The following RALGAPB variants were observed in gnomAD, a reference collection of about 807,000 sequenced individuals.
The protein encoded by RALGAPB is Ral GTPase activating protein non-catalytic subunit beta, also known as ral GTPase-activating protein subunit beta.
In RALGAPB, 25 loss-of-function variants were observed where a neutral mutation model predicts 161.1. That is an observed-to-expected ratio of 0.16 (90% CI 0.11 to 0.22). The LOEUF is 0.22. RALGAPB is among the 10% of genes least tolerant of loss of function. The pLI is 1.00. For missense variants in RALGAPB, 1,391 were observed against 1,815.2 expected, an observed-to-expected ratio of 0.77 and a Z score of 4.25; for synonymous variants, 629 against 626.1, an observed-to-expected ratio of 1.00 and a Z score of -0.07.
At chr20:38,522,512 C>T (rs1686657641) in intron 10 of RALGAPB, among the ~76,000 whole-genome samples, 1 of 152,158 alleles carries the variant, frequency 6.6e-6, no homozygotes. Context: ...CCTAAATTAA[C>T]TCATAATGGC....
chr20:38,497,305 G>C, intron 3 of RALGAPB, 48 bp from the exon 4 acceptor site: 1 of 1,567,244 alleles, frequency 6.4e-7, no homozygotes, highest in East Asian at 2.2e-5. Flanking sequence ...TGAAGCTGTT[G>C]CTGTCTCTCC....
At chr20:38,546,774 G>T in intron 19 of RALGAPB, 1 of 239,950 alleles carries the variant, frequency 4.2e-6, no homozygotes, top group Non-Finnish European at 8.2e-6. Flanking sequence ...CACTCCTCAT[G>T]TTCTGTATCA....
intron 1 of RALGAPB, among the ~76,000 whole-genome samples, chr20:38,485,912 G>A (rs1400473430): frequency 7.2e-6 from 1 of 138,024 alleles, no homozygotes; most frequent in Non-Finnish European, 1.6e-5. Context: ...TCTTTTTTCT[G>A]TTACATATAT....
chr20:38,506,528 G>A (rs556056772), intron 5 of RALGAPB, among the ~76,000 whole-genome samples: 4 of 152,212 alleles, frequency 2.6e-5, no homozygotes, highest in East Asian at 1.9e-4. Flanking sequence ...TCCTGGGCTC[G>A]AGCAGTCCTC....
chr20:38,515,604 T>C (rs2086101020), intron 6 of RALGAPB, among the ~76,000 whole-genome samples: 1 of 152,226 alleles, frequency 6.6e-6, no homozygotes, highest in Admixed American at 6.5e-5. Flanking sequence ...CTATTAACAC[T>C]AATCCTGATT....
chr20:38,534,325 A>T (rs1157125640), intron 15 of RALGAPB: 1 of 152,624 alleles, frequency 6.6e-6, no homozygotes, highest in African/African-American at 2.4e-5. Context: ...TTAGTGTCGC[A>T]TGAGTGTCTC....
chr20:38,524,536 A>G (rs939251937), intron 10 of RALGAPB, among the ~76,000 whole-genome samples: 3 of 152,094 alleles, frequency 2.0e-5, no homozygotes, highest in African/African-American at 7.2e-5. Flanking sequence ...GTCTTAGTGT[A>G]TATGATTCAG....
Position 38,517,799 on chromosome 20 carries a change from G to C in RALGAPB, c.1216G>C (p.Ala406Pro). The change falls in exon 9 of 30, where the codon GCC becomes CCC. Residue 406 changes from alanine (A) to proline (P), a missense_variant. Physicochemically the swap from Ala to Pro is conservative, Grantham distance 27. Around this residue, in one of 3 missense-constraint regions of RALGAPB, gnomAD observed 946 missense variants for 1,257.2 expected, o/e 0.75. Coordinates refer to ENST00000262879, the MANE Select transcript of RALGAPB (RefSeq NM_020336.4). ...CGTCTAATAGGTTAGTACTGCTCAT[G>C]CCTCTAAAGTTCAGCACCAGACGTC... ...MKTSTVSTAH[A>P]SKVQHQTSST... The C allele has an allele frequency of 4.3e-6, 7 of 1,613,194 alleles. No individual in the cohort carries two copies. The highest frequency in any genetic ancestry group is 5.9e-6 in the Non-Finnish European group (7 of 1,179,202).
At position 38,535,179 on chromosome 20, in the gene RALGAPB, C is replaced by T. The variant is rs1175876808; in HGVS notation, c.2351C>T (p.Ala784Val). Residue 784 changes from alanine (A) to valine (V), a missense_variant, in exon 16 of 30, where the codon GCT becomes GTT. Physicochemically the swap from Ala to Val is moderately conservative, Grantham distance 64. Transcript: ENST00000262879. ...CAAGACATGAGCATATCACTGGCAG[C>T]TCTAGAGCTCCTCTCTGGCCTTGCA... ...WRQDMSISLA[A>V]LELLSGLAKV... The T allele has an allele frequency of 6.2e-7, 1 of 1,614,090 alleles. No individual in the cohort carries two copies. The highest frequency in any genetic ancestry group is 8.5e-7 in the Non-Finnish European group (1 of 1,180,040).
Position 38,524,823 on chromosome 20 carries a change from G to A in RALGAPB, c.1665G>A (p.Val555=). The A allele has an allele frequency of 6.2e-7, 1 of 1,609,318 alleles. No homozygotes were observed. The highest frequency in any genetic ancestry group is 8.5e-7 in the Non-Finnish European group (1 of 1,175,666). The change falls in exon 11 of 30, where the codon GTG becomes GTA. Residue 555 remains valine (V), a synonymous_variant. Transcript: ENST00000262879. ...LIQGLQINDY[V]CHPVLASVIL... is the part of the protein sequence containing the mutation. ...AAGGTTTGCAGATAAATGATTATGT[G>A]TGCCATCCTGTCTTGGCCAGCGTTA...
chr20:38,505,414 A>T (rs2085733064), intron 5 of RALGAPB, among the ~76,000 whole-genome samples: 1 of 152,204 alleles, frequency 6.6e-6, no homozygotes. Context: ...ACAACATTAG[A>T]AACTGAGGAC....
chr20:38,500,189 A>C (rs1345830792), intron 5 of RALGAPB, among the ~76,000 whole-genome samples: 3 of 151,232 alleles, frequency 2.0e-5, no homozygotes, highest in Non-Finnish European at 4.4e-5. Flanking sequence ...TTTAATATGC[A>C]AGCATACCTT....
At position 38,516,677 on chromosome 20, in the gene RALGAPB, G is replaced by A. The variant is rs370566182; in HGVS notation, c.1051+307G>A. 733 of 228,982 alleles carry A rather than the reference G, an allele frequency of 3.2e-3. 4 individuals are homozygous for A. Among genetic ancestry groups the A allele is most frequent in the Middle Eastern group, 0.019 (43 of 2,320 alleles). The allele number at this position is 228,982 out of a possible 1,614,324, so 14.2% of individuals were successfully genotyped here. A position where few individuals can be genotyped will look rare whatever the true frequency, so the allele number is the denominator to read the frequency against. On this transcript the variant is annotated intron_variant, in intron 7 of 29. Transcript: ENST00000262879. ...GTGCTAAGAACAAGAATTAGGCCTA[G>A]TAGATAAATGGACAAAGGATAAGAG...
chr20:38,483,471 T>C (rs1303585), intron 1 of RALGAPB, among the ~76,000 whole-genome samples: 102,328 of 152,206 alleles, frequency 0.67, 38,014 homozygotes, highest in East Asian at 0.91. Context: ...ATCTTATATG[T>C]AATACTACAG....
chr20:38,484,161 G>C (rs1309766037), intron 1 of RALGAPB, among the ~76,000 whole-genome samples: 1 of 152,128 alleles, frequency 6.6e-6, no homozygotes, highest in Non-Finnish European at 1.5e-5. Flanking sequence ...CTGGGTGACA[G>C]AGTGAGACTC....
rs564568416 is a variant in RALGAPB, at chr20:38,511,407, A to G, written c.872+2199A>G. ...GGGGATTTGGCAGGGTCATAGGACA[A>G]TAGTGGAGGGAAGGTCAGCAGATAA... On this transcript the variant is annotated intron_variant, in intron 6 of 29. Coordinates refer to ENST00000262879, the MANE Select transcript of RALGAPB (RefSeq NM_020336.4). Among the ~76,000 whole-genome samples the G allele has an allele frequency of 4.6e-5, 7 of 151,548 alleles. No homozygotes were observed. In the East Asian group the frequency reaches 1.2e-3, roughly 25 times the overall value.
At chr20:38,496,242 G>C (rs73905624) in intron 3 of RALGAPB, among the ~76,000 whole-genome samples, 1,587 of 152,188 alleles carry the variant, frequency 0.01, 22 homozygotes, top group African/African-American at 0.036. Context: ...GGTGTCATTT[G>C]CTTGCAACTC....
At chr20:38,508,712 T>C in intron 5 of RALGAPB, among the ~76,000 whole-genome samples, 1 of 152,220 alleles carries the variant, frequency 6.6e-6, no homozygotes, top group East Asian at 1.9e-4. Context: ...GCATATACTC[T>C]TCTTCCCAGC....
intron 25 of RALGAPB, among the ~76,000 whole-genome samples, chr20:38,566,795 T>A (rs1021296122): frequency 1.3e-5 from 2 of 152,262 alleles, no homozygotes; most frequent in African/African-American, 4.8e-5. Flanking sequence ...TTGGTTATCC[T>A]TTAGAGCAGG....
Sources: allele counts gnomAD v4.1 joint callset (sites outside exome capture counted in the v4.1 genomes callset), GRCh38; gene constraint gnomAD v4.1.1; regional missense constraint gnomAD v4.1.1; transcripts MANE v1.5; gene names NCBI Gene and HGNC (gene_info 2026-07-23, HGNC 2026-07-21).